The following PHIP variants were observed in gnomAD, a reference collection of about 807,000 sequenced individuals.
PHIP encodes the protein PH-interacting protein.
In PHIP, 54 loss-of-function variants were observed where a neutral mutation model predicts 236.8. The observed-to-expected ratio is 0.23, with a 90% CI of 0.18 to 0.29. PHIP has a LOEUF of 0.29. Among genes scored for constraint, PHIP ranks in the 10% least tolerant of loss-of-function variants. PHIP has a pLI of 1.00. For synonymous variants in PHIP, 756 were observed against 718.9 expected (o/e 1.05, Z -0.83); for missense variants, 1,370 against 2,190.8 (o/e 0.63, Z 7.48).
At chr6:79,018,204 A>T (rs538057712) in intron 10 of PHIP, among the ~76,000 whole-genome samples, 1 of 151,944 alleles carries the variant, frequency 6.6e-6, no homozygotes, top group Non-Finnish European at 1.5e-5. Flanking sequence ...AAAAAAATCA[A>T]ATTGTCCTTG....
chr6:79,004,095 C>T (rs912671566), intron 15 of PHIP, among the ~76,000 whole-genome samples: 2 of 151,994 alleles, frequency 1.3e-5, no homozygotes, highest in Non-Finnish European at 2.9e-5. Context: ...TAAAAGAATA[C>T]CAACTCCCCC....
At chr6:78,944,028 C>T (rs1328235353) in intron 39 of PHIP, among the ~76,000 whole-genome samples, 1 of 135,976 alleles carries the variant, frequency 7.4e-6, no homozygotes, top group Non-Finnish European at 1.6e-5. Flanking sequence ...GTGCTTGATT[C>T]TATCTAAAGA....
At chr6:78,997,254 T>C (rs1418778101) in intron 19 of PHIP, among the ~76,000 whole-genome samples, 160 bp downstream of exon 19, 1 of 152,114 alleles carries the variant, frequency 6.6e-6, no homozygotes, top group Non-Finnish European at 1.5e-5. Flanking sequence ...AATAAATATA[T>C]TTTAGAAACT....
chr6:78,977,699 T>A (rs2127714107), intron 24 of PHIP, among the ~76,000 whole-genome samples: 1 of 152,234 alleles, frequency 6.6e-6, no homozygotes, highest in African/African-American at 2.4e-5. Flanking sequence ...TAAATATAAT[T>A]TCACATCTTA....
At chr6:78,994,981 C>CA (rs992900974) in intron 19 of PHIP, among the ~76,000 whole-genome samples, 1 of 152,132 alleles carries the variant, frequency 6.6e-6, no homozygotes, top group African/African-American at 2.4e-5. Flanking sequence ...AACAAACAAA[C>CA]AAAATCATGT....
At chr6:78,971,834 G>T (rs971010866) in intron 24 of PHIP, among the ~76,000 whole-genome samples, 1 of 152,224 alleles carries the variant, frequency 6.6e-6, no homozygotes, top group African/African-American at 2.4e-5. Context: ...CTTAAAAAAC[G>T]GCGCACCACG....
chr6:79,043,126 A>G, intron 6 of PHIP, 123 bp from the exon 7 acceptor site: 1 of 727,680 alleles, frequency 1.4e-6, no homozygotes. Context: ...GCTTTCTGAT[A>G]TATATGGCTT....
intron 24 of PHIP, among the ~76,000 whole-genome samples, chr6:78,976,265 G>A (rs999100347): frequency 2.7e-5 from 4 of 149,376 alleles, no homozygotes; most frequent in Non-Finnish European, 4.5e-5. Context: ...AGAAAAACAA[G>A]CAATGGGAAA....
At chr6:79,043,212 T>A (rs1460702570) in intron 6 of PHIP, among the ~76,000 whole-genome samples, 1 of 152,130 alleles carries the variant, frequency 6.6e-6, no homozygotes, top group African/African-American at 2.4e-5. Context: ...CATTCTCACT[T>A]TATAACTTAA....
At chr6:79,030,685 T>G (rs148949348) in intron 7 of PHIP, among the ~76,000 whole-genome samples, 1 of 152,126 alleles carries the variant, frequency 6.6e-6, no homozygotes, top group Admixed American at 6.5e-5. Context: ...AGGTTAGAGA[T>G]AGAGATCTGG....
At chr6:79,009,246 C>T (rs1003212443) in intron 15 of PHIP, among the ~76,000 whole-genome samples, 2 of 152,062 alleles carry the variant, frequency 1.3e-5, no homozygotes, top group Admixed American at 1.3e-4. Flanking sequence ...GTCATTATTT[C>T]CAAAATCTAC....
intron 9 of PHIP, among the ~76,000 whole-genome samples, chr6:79,023,467 T>G (rs1316846657): frequency 6.6e-6 from 1 of 151,970 alleles, no homozygotes; most frequent in East Asian, 1.9e-4. Context: ...GGAAAGAATA[T>G]AGGAATAGGA....
Position 78,941,059 on chromosome 6 carries a change from A to G in PHIP, c.5100T>C (p.Asn1700=), listed in dbSNP as rs1389719985. Reference sequence around the variant, plus strand: ...TTTTCTGTAACAAATCTTCCTTTACATTATTAGTTTCAGAAAGAAAATTGC... The same window carrying G: ...TTTTCTGTAACAAATCTTCCTTTACGTTATTAGTTTCAGAAAGAAAATTGC... ...STCNFLSETN[N]VKEDLLQKKN... Residue 1700 remains asparagine, a synonymous_variant, in exon 40 of 40, where the codon AAT becomes AAC. Transcript: ENST00000275034. 1 of 1,613,930 alleles carries G rather than the reference A, an allele frequency of 6.2e-7. No individual in the cohort carries two copies. The highest frequency in any genetic ancestry group is 2.2e-5 in the East Asian group (1 of 44,870).
Position 79,015,170 on chromosome 6 carries a change from G to A in PHIP, c.1436C>T (p.Pro479Leu). The A allele has an allele frequency of 6.2e-7, 1 of 1,610,706 alleles. No individual in the cohort carries two copies. The change falls in exon 15 of 40, where the codon CCT becomes CTT. Residue 479 changes from proline (P) to leucine (L), a missense_variant. Transcript: ENST00000275034. ...VFVLEPHPFDPRVLFSAGHDG... is the reference protein window; with the variant it reads ...VFVLEPHPFDLRVLFSAGHDG... ...ATGACCAGCAGAAAAGAGAACTCTA[G>A]GATCGAACGGGTGTGGTTCAAGAAC...
chr6:78,992,479 T>A (rs1345054583), intron 19 of PHIP, among the ~76,000 whole-genome samples: 1 of 152,022 alleles, frequency 6.6e-6, no homozygotes, highest in Non-Finnish European at 1.5e-5. Context: ...TTGCAGATAG[T>A]GCATTTTTTT....
intron 6 of PHIP, among the ~76,000 whole-genome samples, chr6:79,049,092 C>CA (rs991103641): frequency 2.7e-5 from 4 of 149,628 alleles, no homozygotes; most frequent in African/African-American, 9.9e-5. Flanking sequence ...TTTTTTGAGA[C>CA]AGAGTCTCAC....
chr6:78,947,849 C>A, intron 35 of PHIP, 74 bp from the exon 36 acceptor site: 2 of 1,034,740 alleles, frequency 1.9e-6, no homozygotes, highest in Non-Finnish European at 2.9e-6. Context: ...GGGATTCGCA[C>A]AGGATTTTTA....
At chr6:79,035,819 A>G (rs768613106) in intron 7 of PHIP, among the ~76,000 whole-genome samples, 3 of 152,158 alleles carry the variant, frequency 2.0e-5, no homozygotes, top group Non-Finnish European at 4.4e-5. Context: ...ATTTTTTTCT[A>G]GGTCATTTAT....
Position 78,941,073 on chromosome 6 carries a change from A to G in PHIP, c.5086T>C (p.Ser1696Pro), listed in dbSNP as rs754089631. ...VLPSSTCNFLSETNNVKEDLL... is the reference protein window; with the variant it reads ...VLPSSTCNFLPETNNVKEDLL... ...TCTTCCTTTACATTATTAGTTTCAGAAAGAAAATTGCATGTTGAAGAAGGA... is the reference window on the plus strand; with the variant it reads ...TCTTCCTTTACATTATTAGTTTCAGGAAGAAAATTGCATGTTGAAGAAGGA... Residue 1696 changes from serine to proline, a missense_variant, in exon 40 of 40, where the codon TCT becomes CCT. By Grantham distance (74) the Ser-to-Pro change is moderately conservative. This residue lies in a region of PHIP where 309 missense variants were observed against 328.3 expected (regional missense o/e 0.94). Transcript: ENST00000275034. 1.2e-6 allele frequency: 2 copies of G among 1,614,108 alleles called. No individual in the cohort carries two copies. Among genetic ancestry groups the G allele is most frequent in the East Asian group, 2.2e-5 (1 of 44,864 alleles).
Sources: allele counts gnomAD v4.1 joint callset (sites outside exome capture counted in the v4.1 genomes callset), GRCh38; gene constraint gnomAD v4.1.1; regional missense constraint gnomAD v4.1.1; transcripts MANE v1.5; gene names NCBI Gene and HGNC (gene_info 2026-07-23, HGNC 2026-07-21).